The following LMX1B variants were observed in gnomAD, a reference collection of about 807,000 sequenced individuals.
The protein encoded by LMX1B is LIM homeobox transcription factor 1 beta, also known as LIM homeobox transcription factor 1-beta.
In LMX1B, 12 loss-of-function variants were observed where a neutral mutation model predicts 51.4. The ratio of observed to expected loss-of-function variants is 0.23; its 90% CI spans 0.15 to 0.38. The LOEUF (loss-of-function observed/expected upper bound fraction) is 0.38. Ranked by LOEUF, LMX1B falls within the 10% of genes least tolerant of loss-of-function variation. The pLI is 1.00. For missense variants in LMX1B, 445 were observed against 571.1 expected, an observed-to-expected ratio of 0.78 and a Z score of 2.25; for synonymous variants, 237 against 235.4, an observed-to-expected ratio of 1.01 and a Z score of -0.06.
At chr9:126,657,017 A>T (rs1836130882) in intron 2 of LMX1B, among the ~76,000 whole-genome samples, 1 of 152,216 alleles carries the variant, frequency 6.6e-6, no homozygotes, top group African/African-American at 2.4e-5. Context: ...CTATTGCCTG[A>T]TGAAAGAAGG....
At chr9:126,634,347 G>T (rs369721356) in intron 2 of LMX1B, among the ~76,000 whole-genome samples, 2 of 152,176 alleles carry the variant, frequency 1.3e-5, no homozygotes, top group African/African-American at 2.4e-5. Flanking sequence ...TGAAGCCAGC[G>T]TCAGTTTCAT....
intron 2 of LMX1B, among the ~76,000 whole-genome samples, chr9:126,663,901 C>T (rs1836290503): frequency 6.6e-6 from 1 of 152,326 alleles, no homozygotes; most frequent in African/African-American, 2.4e-5. Context: ...TGGGGAATCC[C>T]GGGGGCCTCT....
intron 2 of LMX1B, among the ~76,000 whole-genome samples, chr9:126,663,147 G>T (rs1004723647): frequency 9.9e-5 from 15 of 152,074 alleles, no homozygotes; most frequent in Non-Finnish European, 1.9e-4. Context: ...GAATTTTGAG[G>T]CTGGTGCAGT....
At chr9:126,631,250 CT>C (rs1835631104) in intron 2 of LMX1B, among the ~76,000 whole-genome samples, 1 of 152,250 alleles carries the variant, frequency 6.6e-6, no homozygotes, top group Non-Finnish European at 1.5e-5. Context: ...AGAGAAACAT[CT>C]GCCTGAACGT....
intron 3 of LMX1B, among the ~76,000 whole-genome samples, chr9:126,692,738 C>T (rs1270517077): frequency 2.0e-5 from 3 of 152,258 alleles, no homozygotes; most frequent in Non-Finnish European, 4.4e-5. Context: ...CAGCCATGTG[C>T]ACAACCGTGC....
intron 2 of LMX1B, among the ~76,000 whole-genome samples, chr9:126,651,494 G>A (rs992995326): frequency 2.6e-5 from 4 of 152,052 alleles, no homozygotes; most frequent in Admixed American, 6.5e-5. Context: ...CTTTGTGAAG[G>A]ATAAACAAAA....
intron 2 of LMX1B, among the ~76,000 whole-genome samples, chr9:126,675,078 T>A (rs1225744232): frequency 6.6e-6 from 1 of 151,810 alleles, no homozygotes; most frequent in Non-Finnish European, 1.5e-5. Flanking sequence ...TCTCCAGTCA[T>A]GGGGTGGGGG....
chr9:126,630,902 G>C (rs1325119294), intron 2 of LMX1B, among the ~76,000 whole-genome samples: 1 of 152,262 alleles, frequency 6.6e-6, no homozygotes, highest in Non-Finnish European at 1.5e-5. Flanking sequence ...CGGGCTGCCG[G>C]TGCAGCAATT....
intron 2 of LMX1B, among the ~76,000 whole-genome samples, chr9:126,650,356 C>G (rs1306642774): frequency 6.6e-6 from 1 of 152,218 alleles, no homozygotes; most frequent in Non-Finnish European, 1.5e-5. Context: ...GAAGCCGAGA[C>G]CAGAGCTGCA....
chr9:126,682,812 T>C (rs140156414), intron 2 of LMX1B, among the ~76,000 whole-genome samples: 3,464 of 146,282 alleles, frequency 0.024, 103 homozygotes, highest in African/African-American at 0.07. Flanking sequence ...GGAGAATCGC[T>C]TGAACCCAGG....
rs895194530 is a variant in LMX1B, at chr9:126,677,005, G to A, written c.327-13831G>A. Among the ~76,000 whole-genome samples the A allele has an allele frequency of 6.6e-6, 1 of 152,238 alleles. No homozygotes were observed. The highest frequency in any genetic ancestry group is 2.4e-5 in the African/African-American group (1 of 41,462). On this transcript the variant is annotated intron_variant, in intron 2 of 7. Coordinates refer to ENST00000373474, the MANE Select transcript of LMX1B (RefSeq NM_001174147.2). This position sits in a 1 kb window ranked among gnomAD's most constrained non-coding sequence, Gnocchi z 5.0. ...CATTACTATGCTAATGCGGCCGGGC[G>A]GGCGGTGATTAAGCGGCTCAGGCAG...
At chr9:126,616,224 A>G (rs1017934264) in intron 2 of LMX1B, among the ~76,000 whole-genome samples, 5 of 152,176 alleles carry the variant, frequency 3.3e-5, no homozygotes, top group African/African-American at 9.6e-5. Flanking sequence ...GGGGCTCCCA[A>G]TGGGAGTGAG....
chr9:126,694,247 A>T (rs1228897325), intron 6 of LMX1B, among the ~76,000 whole-genome samples: 1 of 152,058 alleles, frequency 6.6e-6, no homozygotes, highest in Non-Finnish European at 1.5e-5. Flanking sequence ...AATCACTGCA[A>T]GGGGGGGTAT....
rs1836444713 is a variant in LMX1B, at chr9:126,671,248, C to G, written c.327-19588C>G. ...GAGGGGACCCCGCTCGGAAATCGGT[C>G]ATAAATTTCTTGAGATGCTTTAATT... is the stretch of plus-strand genomic sequence containing the variant. On this transcript the variant is annotated intron_variant, in intron 2 of 7. Coordinates refer to ENST00000373474, the MANE Select transcript of LMX1B (RefSeq NM_001174147.2). This position sits in a 1 kb window ranked among gnomAD's most constrained non-coding sequence, Gnocchi z 4.4. Among the ~76,000 whole-genome samples the G allele has an allele frequency of 6.6e-6, 1 of 152,194 alleles. No homozygotes were observed. The highest frequency in any genetic ancestry group is 3.2e-3 in the Middle Eastern group (1 of 316).
intron 2 of LMX1B, among the ~76,000 whole-genome samples, chr9:126,656,395 A>G (rs1260272612): frequency 9.4e-6 from 1 of 106,636 alleles, no homozygotes; most frequent in Non-Finnish European, 2.4e-5. Flanking sequence ...AGATAGATAG[A>G]TAGATAGATA....
intron 2 of LMX1B, among the ~76,000 whole-genome samples, chr9:126,623,041 G>A (rs922557081): frequency 6.6e-6 from 1 of 152,240 alleles, no homozygotes; most frequent in African/African-American, 2.4e-5. Context: ...CCTTCCTGCT[G>A]GGAAATGAGC....
intron 2 of LMX1B, among the ~76,000 whole-genome samples, chr9:126,631,086 GC>G (rs995813751): frequency 2.6e-5 from 4 of 152,216 alleles, no homozygotes; most frequent in Admixed American, 6.5e-5. Flanking sequence ...CAGGGCAGTG[GC>G]CCCCCTGTGG....
intron 2 of LMX1B, among the ~76,000 whole-genome samples, chr9:126,629,529 T>C (rs561122702): frequency 6.6e-6 from 1 of 152,262 alleles, no homozygotes; most frequent in African/African-American, 2.4e-5. Flanking sequence ...GAGAAAACTT[T>C]CAGCAGCCTT....
chr9:126,618,307 T>C lies in LMX1B; in HGVS notation c.326+2738T>C, dbSNP rs1297820566. On this transcript the variant is annotated intron_variant, in intron 2 of 7. Transcript: ENST00000373474. This position sits in a 1 kb window ranked among gnomAD's most constrained non-coding sequence, Gnocchi z 4.5. ...ATTTTTAGTAAATGTCTCTTCTTCC[T>C]TTCGATTTGTTCTCAAAGATCCCAG... 5.3e-5 allele frequency among the ~76,000 whole-genome samples: 8 copies of C among 152,232 alleles called. No homozygotes were observed. The highest frequency in any genetic ancestry group is 2.6e-4 in the Admixed American group (4 of 15,290).
Sources: allele counts gnomAD v4.1 joint callset (sites outside exome capture counted in the v4.1 genomes callset), GRCh38; gene constraint gnomAD v4.1.1; non-coding constraint Gnocchi (gnomAD v3.1); transcripts MANE v1.5; gene names NCBI Gene and HGNC (gene_info 2026-07-23, HGNC 2026-07-21).